Variants in KY observed in about 807,000 individuals in gnomAD.
KY encodes kyphoscoliosis peptidase.
A neutral mutation model predicts 76.1 loss-of-function variants in KY; 43 were observed. The ratio of observed to expected loss-of-function variants is 0.57; its 90% CI spans 0.44 to 0.73. The LOEUF is 0.73. Ranked by LOEUF, KY falls within the 30% of genes least tolerant of loss-of-function variation. KY has a pLI of 0.00. For synonymous variants in KY, 277 were observed against 326.2 expected (o/e 0.85, Z 1.63); for missense variants, 722 against 828.9 (o/e 0.87, Z 1.58).
rs1378574547 is a variant in KY at position 134,601,857 on chromosome 3, A to G, written c.*1722T>C. ...GGGGATAATGAACAGAAGTGTCTGGAGCCTGGATCTTCAGTCAGGCCTGGG... is the reference window on the plus strand; with the variant it reads ...GGGGATAATGAACAGAAGTGTCTGGGGCCTGGATCTTCAGTCAGGCCTGGG... On this transcript the variant is annotated 3_prime_UTR_variant, in exon 11 of 11. Coordinates refer to ENST00000423778, the MANE Select transcript of KY (RefSeq NM_178554.6). Among the ~76,000 whole-genome samples the G allele has an allele frequency of 6.6e-6, 1 of 152,198 alleles. No individual in the cohort carries two copies. Among genetic ancestry groups the G allele is most frequent in the African/African-American group, 2.4e-5 (1 of 41,454 alleles).
chr3:134,631,320 C>A (rs1964198009), intron 3 of KY, among the ~76,000 whole-genome samples: 1 of 152,008 alleles, frequency 6.6e-6, no homozygotes, highest in Non-Finnish European at 1.5e-5. Context: ...TGGAAAGTAG[C>A]CAGTGAAAAG....
In KY at chr3:134,646,723, C is replaced by T. The variant is rs185091894; in HGVS notation, c.199+712G>A. ...CATTTGATAAGCCAGTCATCTGATC[C>T]TAGGGCTCACATAGCTGCGGGCTGA... is the stretch of plus-strand genomic sequence containing the variant. On this transcript the variant is annotated intron_variant, in intron 2 of 10. Transcript: ENST00000423778. 1.1e-3 allele frequency among the ~76,000 whole-genome samples: 165 copies of T among 152,302 alleles called. 1 individual carries two copies. The highest frequency in any genetic ancestry group is 9.7e-3 in the Admixed American group (149 of 15,302).
At chr3:134,624,032 C>T (rs988550160) in intron 6 of KY, among the ~76,000 whole-genome samples, 1 of 152,184 alleles carries the variant, frequency 6.6e-6, no homozygotes, top group African/African-American at 2.4e-5. Flanking sequence ...GGGGGCATTT[C>T]CCCTGGATGT....
At chr3:134,628,668 A>G (rs1365169138) in intron 4 of KY, among the ~76,000 whole-genome samples, 2 of 152,192 alleles carry the variant, frequency 1.3e-5, no homozygotes, top group East Asian at 3.9e-4. Context: ...CATTTGTTAC[A>G]CACTTACTAT....
chr3:134,603,578 C>A lies in KY; in HGVS notation c.*1G>T, dbSNP rs552257453. On this transcript the variant is annotated 3_prime_UTR_variant, in exon 11 of 11. Coordinates refer to ENST00000423778, the MANE Select transcript of KY (RefSeq NM_178554.6). Reference sequence around the variant, plus strand: ...GGGAGGGTAAGACCGGGGCACAGCCCTCACTGGGCATTCACTTTGTATTTC... The same window carrying A: ...GGGAGGGTAAGACCGGGGCACAGCCATCACTGGGCATTCACTTTGTATTTC... The A allele has an allele frequency of 6.4e-7, 1 of 1,570,460 alleles. No homozygotes were observed. The highest frequency in any genetic ancestry group is 1.7e-5 in the Admixed American group (1 of 57,772).
chr3:134,650,932 A>G lies in KY; in HGVS notation c.29T>C (p.Val10Ala). Reference protein sequence around the residue: MELKKDINAVSIDMLLIVHS... With the variant: MELKKDINAASIDMLLIVHS... ...CACGATCAGCAGCATGTCGATAGATACAGCGTTGATGTCCTTCTTCAGCTC... is the reference window on the plus strand; with the variant it reads ...CACGATCAGCAGCATGTCGATAGATGCAGCGTTGATGTCCTTCTTCAGCTC... Residue 10 changes from valine (V) to alanine (A), a missense_variant, in exon 1 of 11, where the codon GTA becomes GCA. Physicochemically the swap from Val to Ala is moderately conservative, Grantham distance 64 (BLOSUM62 0). Coordinates refer to ENST00000423778, the MANE Select transcript of KY (RefSeq NM_178554.6). 6.2e-7 allele frequency: 1 copy of G among 1,613,324 alleles called. No homozygotes were observed. The highest frequency in any genetic ancestry group is 8.5e-7 in the Non-Finnish European group (1 of 1,179,512).
At chr3:134,623,345 T>C (rs11721239) in intron 6 of KY, among the ~76,000 whole-genome samples, 148,392 of 152,250 alleles carry the variant, frequency 0.97, 72,431 homozygotes, top group East Asian at 1. Context: ...ACTTTCCTCA[T>C]TCACAGGTAA....
At chr3:134,626,877 C>T (rs7641798) in intron 5 of KY, among the ~76,000 whole-genome samples, 92,547 of 151,786 alleles carry the variant, frequency 0.61, 28,848 homozygotes, top group East Asian at 0.87. Context: ...TGAGCCTTGC[C>T]TCTTTTCAGT....
intron 10 of KY, 24 bp from the exon 11 acceptor site, chr3:134,604,498 G>A (rs1228059896): frequency 6.3e-7 from 1 of 1,583,466 alleles, no homozygotes; most frequent in Non-Finnish European, 8.6e-7. Flanking sequence ...GTCAGGGTCA[G>A]CAGAGATGGG....
chr3:134,645,445 G>T (rs1015183817), intron 2 of KY, among the ~76,000 whole-genome samples: 2 of 152,216 alleles, frequency 1.3e-5, no homozygotes, highest in Non-Finnish European at 2.9e-5. Context: ...AAGCCATCCA[G>T]TTACCAGGGC....
Position 134,650,910 on chromosome 3 carries a change from G to T in KY, c.51C>A (p.Ile17=). Residue 17 remains isoleucine, a synonymous_variant, in exon 1 of 11, where the codon ATC becomes ATA. Transcript: ENST00000423778. ...CGGCGCGCCGCTTCTCCGAGTGCAC[G>T]ATCAGCAGCATGTCGATAGATACAG... ...INAVSIDMLL[I]VHSEKRRAAQ... 1.2e-6 allele frequency: 2 copies of T among 1,613,258 alleles called. No individual in the cohort carries two copies. Among genetic ancestry groups the T allele is most frequent in the Non-Finnish European group, 1.7e-6 (2 of 1,179,502 alleles).
chr3:134,624,911 A>C (rs1018081340), intron 6 of KY, 142 bp downstream of exon 6: 2 of 720,396 alleles, frequency 2.8e-6, no homozygotes, highest in Admixed American at 4.3e-5. Context: ...GTCCCCACCC[A>C]TATGCTATGA....
chr3:134,604,239 G>T lies in KY; in HGVS notation c.1326C>A (p.Val442=), dbSNP rs371086228. 82 of 1,613,610 alleles carry T rather than the reference G, an allele frequency of 5.1e-5. No homozygotes were observed. The highest frequency in any genetic ancestry group is 8.5e-6 in the Non-Finnish European group (10 of 1,179,840). Residue 442 remains valine, a synonymous_variant, in exon 11 of 11, where the codon GTC becomes GTA. Coordinates refer to ENST00000423778, the MANE Select transcript of KY (RefSeq NM_178554.6). ...GCTGGTGAAGCTCAGCAGGCAGCTG[G>T]ACACCCATGTCCACATAATTGCACT... The part of the protein sequence containing the change: ...TLKCNYVDMG[V]QLPAELHQPV...
intron 3 of KY, among the ~76,000 whole-genome samples, chr3:134,631,200 G>A (rs1964181833): frequency 6.6e-6 from 1 of 152,128 alleles, no homozygotes; most frequent in African/African-American, 2.4e-5. Context: ...CTGAAATCTG[G>A]CAAAAGACAT....
At chr3:134,608,903 C>T in intron 9 of KY, 64 bp from the exon 10 acceptor site, 1 of 1,537,606 alleles carries the variant, frequency 6.5e-7, no homozygotes, top group South Asian at 1.3e-5. Flanking sequence ...CCCAATACAC[C>T]CACCGGAGTG....
At chr3:134,625,511 A>G (rs776457220) in intron 5 of KY, among the ~76,000 whole-genome samples, 1 of 152,182 alleles carries the variant, frequency 6.6e-6, no homozygotes, top group Non-Finnish European at 1.5e-5. Flanking sequence ...TATTTTTCCC[A>G]GGAATGAATG....
At chr3:134,621,305 C>T (rs1229089917) in intron 6 of KY, among the ~76,000 whole-genome samples, 1 of 152,122 alleles carries the variant, frequency 6.6e-6, no homozygotes, top group East Asian at 1.9e-4. Flanking sequence ...ACACAAGTTC[C>T]CCATTTTCAA....
At chr3:134,616,559 G>A (rs965488621) in intron 8 of KY, among the ~76,000 whole-genome samples, 3 of 152,216 alleles carry the variant, frequency 2.0e-5, no homozygotes, top group African/African-American at 4.8e-5. Flanking sequence ...TCAGGGGACC[G>A]TGAGCTATTG....
rs542767350 is a variant in KY, at chr3:134,601,903, T to G, written c.*1676A>C. Among the ~76,000 whole-genome samples, 1 of 152,372 alleles carries G rather than the reference T, an allele frequency of 6.6e-6. No homozygotes were observed. Among genetic ancestry groups the G allele is most frequent in the South Asian group, 2.1e-4 (1 of 4,832 alleles). On this transcript the variant is annotated 3_prime_UTR_variant, in exon 11 of 11. Transcript: ENST00000423778. ...CTGGGCAGGGAAGGCTGCTGCTGCC[T>G]GGCAGTTTCCTCACCCTGTACTCTG...
Sources: allele counts gnomAD v4.1 joint callset (sites outside exome capture counted in the v4.1 genomes callset), GRCh38; gene constraint gnomAD v4.1.1; transcripts MANE v1.5; gene names NCBI Gene and HGNC (gene_info 2026-07-23, HGNC 2026-07-21).